Variants in FAM53B observed in about 807,000 individuals in gnomAD.
FAM53B encodes family with sequence similarity 53 member B, also known as protein FAM53B.
In FAM53B, 12 loss-of-function variants were observed where a neutral mutation model predicts 32.7. The ratio of observed to expected loss-of-function variants is 0.37; its 90% CI spans 0.24 to 0.59. The LOEUF (loss-of-function observed/expected upper bound fraction) is 0.59, where lower values mean the gene tolerates loss of function less well. Ranked by LOEUF, FAM53B falls within the 20% of genes least tolerant of loss-of-function variation. FAM53B has a pLI of 0.72. For missense variants in FAM53B, 477 were observed against 577.7 expected, an observed-to-expected ratio of 0.83 and a Z score of 1.79; for synonymous variants, 234 against 228.7, an observed-to-expected ratio of 1.02 and a Z score of -0.21.
chr10:124,717,941 A>G (rs1055461019), intron 1 of FAM53B, among the ~76,000 whole-genome samples: 2 of 152,094 alleles, frequency 1.3e-5, no homozygotes, highest in Non-Finnish European at 2.9e-5. Flanking sequence ...CAGGCTACAG[A>G]CACAGCTTTC....
chr10:124,688,537 T>C (rs1371904444), intron 3 of FAM53B, among the ~76,000 whole-genome samples: 1 of 152,204 alleles, frequency 6.6e-6, no homozygotes, highest in Non-Finnish European at 1.5e-5. Context: ...ACAGACTAGG[T>C]AAGCAAGGTC....
rs1389722456 is a variant in FAM53B, at chr10:124,651,307, T to C, written c.907-27703A>G. Among the ~76,000 whole-genome samples the C allele has an allele frequency of 6.6e-6, 1 of 152,214 alleles. No homozygotes were observed. Among genetic ancestry groups the C allele is most frequent in the Non-Finnish European group, 1.5e-5 (1 of 68,034 alleles). The stretch of plus-strand genomic sequence containing the variant: ...TCAGTTCCCTCGTGTTCCATTTCCC[T>C]CTGCACCTTCCCAAAGGTGCAGAAG... On this transcript the variant is annotated intron_variant, in intron 4 of 4. Transcript: ENST00000337318. The surrounding 1 kb of genome is among the most constrained non-coding windows in gnomAD (Gnocchi z 5.2).
chr10:124,743,381 C>G (rs1277821140), intron 1 of FAM53B, among the ~76,000 whole-genome samples: 1 of 152,140 alleles, frequency 6.6e-6, no homozygotes, highest in Admixed American at 6.5e-5. Flanking sequence ...GGCGCGGACG[C>G]CCCCACTCCG....
chr10:124,693,637 G>A (rs1049597320), intron 3 of FAM53B, among the ~76,000 whole-genome samples: 3 of 152,146 alleles, frequency 2.0e-5, no homozygotes, highest in Non-Finnish European at 4.4e-5. Flanking sequence ...CTCCGCTCCA[G>A]CAAGCGCAGG....
chr10:124,624,693 G>A (rs995972708), intron 4 of FAM53B, among the ~76,000 whole-genome samples: 2 of 151,064 alleles, frequency 1.3e-5, no homozygotes, highest in Non-Finnish European at 3.0e-5. Flanking sequence ...ACGCAGGCCA[G>A]TTCTGCTTGG....
At chr10:124,648,937 C>T (rs528226203) in intron 4 of FAM53B, among the ~76,000 whole-genome samples, 16 of 152,334 alleles carry the variant, frequency 1.1e-4, no homozygotes, top group African/African-American at 3.8e-4. Flanking sequence ...GAGCCACTTG[C>T]GGGAGACAGG....
chr10:124,621,391 G>C lies in FAM53B; in HGVS notation c.*1851C>G, dbSNP rs1176300644. On this transcript the variant is annotated 3_prime_UTR_variant, in exon 5 of 5. Transcript: ENST00000337318. ...TGTCTCTGTCTGCTCAGAGCCACCA[G>C]CTCTTGGGTTCGGCTGTCCGGGATC... 1 of 152,280 alleles carries C rather than the reference G, an allele frequency of 6.6e-6. No homozygotes were observed. The highest frequency in any genetic ancestry group is 1.5e-5 in the Non-Finnish European group (1 of 68,052). 9.4% of individuals were successfully genotyped at this position (152,280 alleles called of 1,614,324 possible).
chr10:124,657,647 G>A (rs1473139397), intron 4 of FAM53B, among the ~76,000 whole-genome samples: 2 of 152,184 alleles, frequency 1.3e-5, no homozygotes, highest in Non-Finnish European at 2.9e-5. Context: ...AAATGTCAAT[G>A]AATGTGAAAC....
chr10:124,667,558 C>CAGGGCTG, intron 4 of FAM53B: 1 of 675,914 alleles, frequency 1.5e-6, no homozygotes. Context: ...TCCACATCCA[C>CAGGGCTG]AGGGCTGAGG....
chr10:124,630,286 T>C (rs1949381866), intron 4 of FAM53B, among the ~76,000 whole-genome samples: 2 of 152,182 alleles, frequency 1.3e-5, no homozygotes, highest in African/African-American at 4.8e-5. Flanking sequence ...TAGTGGCGCA[T>C]GCCTGTGGTC....
chr10:124,694,331 G>C (rs1169603934), intron 3 of FAM53B, among the ~76,000 whole-genome samples: 1 of 152,208 alleles, frequency 6.6e-6, no homozygotes, highest in African/African-American at 2.4e-5. Flanking sequence ...CAGGTTGCTG[G>C]GCTCTGCAGC....
At chr10:124,625,444 G>A (rs1949340669) in intron 4 of FAM53B, among the ~76,000 whole-genome samples, 1 of 152,164 alleles carries the variant, frequency 6.6e-6, no homozygotes, top group Admixed American at 6.5e-5. Flanking sequence ...GGTGGGATTC[G>A]ATGCAGCCCG....
intron 3 of FAM53B, among the ~76,000 whole-genome samples, chr10:124,693,084 T>G (rs975824417): frequency 6.6e-6 from 1 of 152,156 alleles, no homozygotes; most frequent in Non-Finnish European, 1.5e-5. Context: ...AATTTGGTGT[T>G]TTATCTTCGC....
intron 4 of FAM53B, among the ~76,000 whole-genome samples, chr10:124,638,721 G>A (rs890954271): frequency 1.3e-4 from 20 of 152,230 alleles, no homozygotes; most frequent in African/African-American, 4.3e-4. Context: ...GCTGGCCCTC[G>A]CTGGCTACTG....
Position 124,680,897 on chromosome 10 carries a change from C to A in FAM53B, c.906+710G>T, listed in dbSNP as rs115090338. 2.0e-5 allele frequency among the ~76,000 whole-genome samples: 3 copies of A among 152,306 alleles called. No individual in the cohort carries two copies. In the East Asian group the frequency reaches 5.8e-4, roughly 29 times the overall value. Reference sequence around the variant, plus strand: ...GCCAGAACCAGATGCAGCCAACTCTCGGGCTCAGAGACGCTCCTGATGACA... The same window carrying A: ...GCCAGAACCAGATGCAGCCAACTCTAGGGCTCAGAGACGCTCCTGATGACA... On this transcript the variant is annotated intron_variant, in intron 4 of 4. Coordinates refer to ENST00000337318, the MANE Select transcript of FAM53B (RefSeq NM_014661.4).
At chr10:124,626,589 C>T (rs1357010883) in intron 4 of FAM53B, among the ~76,000 whole-genome samples, 2 of 152,198 alleles carry the variant, frequency 1.3e-5, no homozygotes, top group African/African-American at 2.4e-5. Flanking sequence ...CCTGTTGGCA[C>T]CTGGATCTTG....
intron 4 of FAM53B, among the ~76,000 whole-genome samples, chr10:124,647,500 G>T (rs1328407745): frequency 6.6e-6 from 1 of 152,202 alleles, no homozygotes; most frequent in East Asian, 1.9e-4. Context: ...GAAAGCTGTC[G>T]CCAAGACCCC....
At chr10:124,742,032 A>C (rs534674173) in intron 1 of FAM53B, among the ~76,000 whole-genome samples, 1 of 152,364 alleles carries the variant, frequency 6.6e-6, no homozygotes, top group Non-Finnish European at 1.5e-5. Flanking sequence ...GAAAATAGGA[A>C]GTCGTTGGGC....
Position 124,706,828 on chromosome 10 carries a change from A to G in FAM53B, c.-115T>C, listed in dbSNP as rs1949962545. The G allele has an allele frequency of 8.3e-5, 130 of 1,560,782 alleles. No homozygotes were observed. The highest frequency in any genetic ancestry group is 1.1e-4 in the Non-Finnish European group (127 of 1,152,686). On this transcript the variant is annotated 5_prime_UTR_variant, in exon 2 of 5. The change abolishes an upstream ATG in the 5' untranslated region. Coordinates refer to ENST00000337318, the MANE Select transcript of FAM53B (RefSeq NM_014661.4). Reference sequence around the variant, plus strand: ...TTGATGTCAGCAGAAACAGCTCCCCATTGGCCACTCACCCTTGGGGTGGGG... The same window carrying G: ...TTGATGTCAGCAGAAACAGCTCCCCGTTGGCCACTCACCCTTGGGGTGGGG...
Sources: gnomAD v4.1 joint callset for allele counts (sites outside exome capture counted in the v4.1 genomes callset) on GRCh38, gnomAD v4.1.1 for gene constraint, Gnocchi (gnomAD v3.1) non-coding constraint, MANE v1.5 for transcripts, NCBI Gene and HGNC (gene_info 2026-07-23, HGNC 2026-07-21) for gene names.